The following CELF2 variants were observed in gnomAD, a reference collection of about 807,000 sequenced individuals.
The protein encoded by CELF2 is CUGBP Elav-like family member 2, also known as CUG triplet repeat RNA-binding protein 2.
A neutral mutation model predicts 62.6 loss-of-function variants in CELF2; 8 were observed. The ratio of observed to expected loss-of-function variants is 0.13; its 90% CI spans 0.07 to 0.23. CELF2 has a LOEUF of 0.23. Ranked by LOEUF, CELF2 falls within the 10% of genes least tolerant of loss-of-function variation. The pLI, the probability that CELF2 is intolerant of heterozygous loss-of-function variation, is 1.00. For missense variants in CELF2, 333 were observed against 671.0 expected (o/e 0.50, Z 5.56); for synonymous variants, 258 against 250.0 (o/e 1.03, Z -0.30).
chr10:10,627,621 C>T, the CELF2 span, among the ~76,000 whole-genome samples: 2 of 152,188 alleles, frequency 1.3e-5, no homozygotes, highest in African/African-American at 2.4e-5. Flanking sequence ...GATGGTGGCT[C>T]TTGGGTAGAA....
the CELF2 span, among the ~76,000 whole-genome samples, chr10:10,514,964 G>T: frequency 6.6e-6 from 1 of 152,188 alleles, no homozygotes; most frequent in African/African-American, 2.4e-5. Flanking sequence ...GCCTTGCAAA[G>T]CACAGCTAAT....
At chr10:11,063,188 A>ACT (rs1420657839) in intron 1 of CELF2, among the ~76,000 whole-genome samples, 1 of 152,210 alleles carries the variant, frequency 6.6e-6, no homozygotes, top group East Asian at 1.9e-4. Flanking sequence ...TGCTTCATTG[A>ACT]AATACTAGCT....
chr10:10,968,347 T>C (rs759580633), intron 2 of CELF2, among the ~76,000 whole-genome samples: 1 of 152,208 alleles, frequency 6.6e-6, no homozygotes, highest in Non-Finnish European at 1.5e-5. Flanking sequence ...CTGGGTGGAA[T>C]GCGTGATGAT....
chr10:10,984,307 A>G (rs1309001139), intron 2 of CELF2, among the ~76,000 whole-genome samples: 1 of 152,192 alleles, frequency 6.6e-6, no homozygotes, highest in Non-Finnish European at 1.5e-5. Flanking sequence ...CGAAGTGTTG[A>G]TGGTTGTTTA....
intron 1 of CELF2, among the ~76,000 whole-genome samples, chr10:10,895,839 G>T (rs2062513391): frequency 6.6e-6 from 1 of 152,192 alleles, no homozygotes; most frequent in Admixed American, 6.5e-5. Context: ...ATCTTTCAGT[G>T]ATGGGAAACA....
In CELF2 at chr10:11,011,921, A is replaced by T. The variant is rs571918857; in HGVS notation, c.53+6481A>T. Among the ~76,000 whole-genome samples the T allele has an allele frequency of 1.3e-5, 2 of 152,338 alleles. No individual in the cohort carries two copies. The highest frequency in any genetic ancestry group is 2.9e-5 in the Non-Finnish European group (2 of 68,026). On this transcript the variant is annotated intron_variant, in intron 1 of 12. Transcript: ENST00000416382. This position sits in a 1 kb window ranked among gnomAD's most constrained non-coding sequence, Gnocchi z 4.6. ...TAAATTTCCTGTGCTCAAAACCTTA[A>T]TGTATTTTCAACCTACATGTCACTT...
At chr10:10,591,639 G>A in the CELF2 span, among the ~76,000 whole-genome samples, 3 of 152,088 alleles carry the variant, frequency 2.0e-5, no homozygotes, top group Admixed American at 6.5e-5. Context: ...AGAAATGGAG[G>A]TTTGATCTGT....
chr10:10,547,692 A>AGAGAGAGAGAGAGAGT, the CELF2 span, among the ~76,000 whole-genome samples: 2 of 138,110 alleles, frequency 1.4e-5, no homozygotes, highest in African/African-American at 5.5e-5. Flanking sequence ...AGAGAGAGAG[A>AGAGAGAGAGAGAGAGT]GTGTGTGTGT....
At chr10:10,601,525 A>G in the CELF2 span, among the ~76,000 whole-genome samples, 1 of 152,198 alleles carries the variant, frequency 6.6e-6, no homozygotes, top group Non-Finnish European at 1.5e-5. Context: ...CTCCTTCTGA[A>G]ATGGGGCACA....
chr10:11,240,730 A>G (rs2073557338), intron 3 of CELF2, among the ~76,000 whole-genome samples: 1 of 152,202 alleles, frequency 6.6e-6, no homozygotes, highest in African/African-American at 2.4e-5. Context: ...ATACACAGGT[A>G]TACTGCACAC....
At chr10:10,749,483 A>G in the CELF2 span, among the ~76,000 whole-genome samples, 5 of 152,244 alleles carry the variant, frequency 3.3e-5, no homozygotes, top group Non-Finnish European at 5.9e-5. Context: ...ATCAATGTGC[A>G]AACGATATTA....
intron 1 of CELF2, among the ~76,000 whole-genome samples, chr10:10,900,578 T>C (rs1364856914): frequency 6.6e-6 from 1 of 152,126 alleles, no homozygotes; most frequent in African/African-American, 2.4e-5. Context: ...ACTTCCTTAA[T>C]CTAGTAGCAG....
chr10:10,842,808 A>G (rs1034566479), intron 1 of CELF2, among the ~76,000 whole-genome samples: 1 of 152,058 alleles, frequency 6.6e-6, no homozygotes, highest in Non-Finnish European at 1.5e-5. Context: ...GCCTCACAGA[A>G]TGATTTAGGA....
chr10:11,248,636 ATAAT>A (rs1565540055), intron 3 of CELF2, among the ~76,000 whole-genome samples: 1 of 152,266 alleles, frequency 6.6e-6, no homozygotes, highest in Non-Finnish European at 1.5e-5. Flanking sequence ...TAATTTTATA[ATAAT>A]TTTTATAATG....
In CELF2 at chr10:11,048,004, C is replaced by T. The variant is rs1373729857; in HGVS notation, c.74+29841C>T. On this transcript the variant is annotated intron_variant, in intron 1 of 12. Coordinates refer to ENST00000633077, the MANE Select transcript of CELF2 (RefSeq NM_001326342.2). The stretch of plus-strand genomic sequence containing the variant: ...TCACTCATTCATAATTTAAACAAGC[C>T]CCTGAAGCCCTCTCTCCAAATGTAA... Among the ~76,000 whole-genome samples the T allele has an allele frequency of 2.6e-5, 4 of 151,976 alleles. 1 individual carries two copies. Among genetic ancestry groups the T allele is most frequent in the African/African-American group, 9.7e-5 (4 of 41,350 alleles).
chr10:10,719,840 A>G, the CELF2 span, among the ~76,000 whole-genome samples: 9 of 152,226 alleles, frequency 5.9e-5, no homozygotes, highest in Non-Finnish European at 1.3e-4. Context: ...GCACTCAGCA[A>G]ATGTTAGCTA....
intron 1 of CELF2, among the ~76,000 whole-genome samples, chr10:11,102,578 G>A (rs560752725): frequency 1.3e-5 from 2 of 152,326 alleles, no homozygotes; most frequent in African/African-American, 2.4e-5. Flanking sequence ...TCGGGGCCCT[G>A]TTCTCCTCCC....
At chr10:11,257,568 CAGGGTGGGGCGCATGG>C (rs1565596288) in intron 4 of CELF2, 154 bp from the exon 5 acceptor site, 1 of 608,650 alleles carries the variant, frequency 1.6e-6, no homozygotes, top group Admixed American at 2.9e-5. Flanking sequence ...GAGGGAGTGG[CAGGGTGGGGCGCATGG>C]AGGGAGGAGG....
At chr10:10,578,647 C>A in the CELF2 span, among the ~76,000 whole-genome samples, 1 of 152,028 alleles carries the variant, frequency 6.6e-6, no homozygotes, top group Non-Finnish European at 1.5e-5. Context: ...TGCAAGCACA[C>A]CCCAGCCCCA....
Sources: gnomAD v4.1 joint callset for allele counts (sites outside exome capture counted in the v4.1 genomes callset) on GRCh38, gnomAD v4.1.1 for gene constraint, Gnocchi (gnomAD v3.1) non-coding constraint, MANE v1.5 for transcripts, NCBI Gene and HGNC (gene_info 2026-07-23, HGNC 2026-07-21) for gene names.